Variants in BMPR1B observed in about 807,000 individuals in gnomAD.
BMPR1B encodes bone morphogenetic protein receptor type-1B.
Under a neutral mutation model 59.1 loss-of-function variants are expected in BMPR1B, and 12 were observed. The ratio of observed to expected loss-of-function variants is 0.20; its 90% CI spans 0.13 to 0.33. The LOEUF is 0.33. BMPR1B is among the 10% of genes least tolerant of loss of function. BMPR1B has a pLI of 1.00. For synonymous variants in BMPR1B, 237 were observed against 207.3 expected (o/e 1.14, Z -1.23); for missense variants, 550 against 610.9 (o/e 0.90, Z 1.05).
At chr4:95,018,781 A>C (rs1168196907) in intron 3 of BMPR1B, among the ~76,000 whole-genome samples, 1 of 152,182 alleles carries the variant, frequency 6.6e-6, no homozygotes, top group African/African-American at 2.4e-5. Flanking sequence ...AAACAAATCA[A>C]CCTAGTGTGG....
chr4:94,833,911 G>A (rs1724699090), intron 1 of BMPR1B, among the ~76,000 whole-genome samples: 1 of 152,110 alleles, frequency 6.6e-6, no homozygotes, highest in Admixed American at 6.5e-5. Context: ...CATGAGATTA[G>A]GCATTTTTTG....
Position 95,154,848 on chromosome 4 carries a change from C to G in BMPR1B, c.*175C>G, listed in dbSNP as rs995663969. On this transcript the variant is annotated 3_prime_UTR_variant, in exon 13 of 13. Coordinates refer to ENST00000515059, the MANE Select transcript of BMPR1B (RefSeq NM_001203.3). ...CGACCTGGGCAAAGACAGAGAAGCT[C>G]CCAGAAGGAGAGATTGATCCATGTC... 20 of 819,180 alleles carry G rather than the reference C, an allele frequency of 2.4e-5. No homozygotes were observed. The highest frequency in any genetic ancestry group is 5.2e-5 in the African/African-American group (3 of 58,188). The allele number at this position is 819,180 out of a possible 1,614,324, so 50.7% of individuals were successfully genotyped here. A position where few individuals can be genotyped will look rare whatever the true frequency, so the allele number is the denominator to read the frequency against.
chr4:94,953,079 A>G (rs921969378), intron 2 of BMPR1B, among the ~76,000 whole-genome samples: 3 of 150,698 alleles, frequency 2.0e-5, no homozygotes, highest in African/African-American at 4.9e-5. Context: ...CTAGGATTGC[A>G]ACCCCTGCTT....
At chr4:95,039,227 A>G (rs546547538) in intron 3 of BMPR1B, among the ~76,000 whole-genome samples, 1 of 152,052 alleles carries the variant, frequency 6.6e-6, no homozygotes, top group Non-Finnish European at 1.5e-5. Context: ...TACCTCCATA[A>G]CTTGAGTTTC....
chr4:94,940,339 A>G (rs903154918), intron 2 of BMPR1B, among the ~76,000 whole-genome samples: 2 of 152,076 alleles, frequency 1.3e-5, no homozygotes, highest in Non-Finnish European at 2.9e-5. Context: ...TAAGCTCACC[A>G]CAGCTGTTGT....
At chr4:94,837,762 C>G (rs558851127) in intron 1 of BMPR1B, among the ~76,000 whole-genome samples, 2,129 of 141,772 alleles carry the variant, frequency 0.015, 176 homozygotes, top group African/African-American at 0.053. Flanking sequence ...CCTTCTCCTG[C>G]CTAATTGCCC....
intron 1 of BMPR1B, among the ~76,000 whole-genome samples, chr4:94,780,065 G>A (rs922845268): frequency 2.0e-5 from 3 of 152,020 alleles, no homozygotes; most frequent in Non-Finnish European, 4.4e-5. Context: ...ATCATGACAT[G>A]TAATTAATAA....
chr4:95,130,033 A>T lies in BMPR1B; in HGVS notation c.757A>T (p.Met253Leu), dbSNP rs948475886. The T allele has an allele frequency of 6.2e-6, 10 of 1,613,864 alleles. No individual in the cohort carries two copies. The South Asian group carries it at 8.8e-5, about 14-fold the overall frequency. Residue 253 changes from methionine to leucine, a missense_variant, in exon 9 of 13, where the codon ATG (methionine) becomes TTG (leucine). Around this residue, in one of 6 missense-constraint regions of BMPR1B, gnomAD observed 318 missense variants for 284.6 expected, o/e 1.12. Coordinates refer to ENST00000515059, the MANE Select transcript of BMPR1B (RefSeq NM_001203.3). ...RETEIYQTVL[M>L]RHENILGFIA... ...GACAGAAATATATCAGACAGTGTTG[A>T]TGAGGCATGAAAACATTTTGGGTGA...
rs559914098 is a variant in BMPR1B at position 95,125,907 on chromosome 4, A to G, written c.585+786A>G. On this transcript the variant is annotated intron_variant, in intron 8 of 12. Coordinates refer to ENST00000515059, the MANE Select transcript of BMPR1B (RefSeq NM_001203.3). ...CACATAAACTCAACCTGCCTTCCTG[A>G]CGTCTCCTCCCACCTCTTCCCAGTA... is the stretch of plus-strand genomic sequence containing the variant. Among the ~76,000 whole-genome samples the G allele has an allele frequency of 3.2e-4, 49 of 152,140 alleles. No homozygotes were observed. In the South Asian group the frequency reaches 9.3e-3, roughly 29 times the overall value.
At chr4:94,936,540 T>C (rs910415686) in intron 2 of BMPR1B, among the ~76,000 whole-genome samples, 1 of 152,064 alleles carries the variant, frequency 6.6e-6, no homozygotes, top group Admixed American at 6.6e-5. Context: ...GGAGATGGAA[T>C]TTATTTATTT....
intron 10 of BMPR1B, among the ~76,000 whole-genome samples, chr4:95,136,056 A>T (rs1485505037): frequency 6.6e-6 from 1 of 152,092 alleles, no homozygotes. Context: ...TAGTTTTTTG[A>T]GAGTTTTTAG....
Position 94,938,940 on chromosome 4 carries a change from G to A in BMPR1B, c.-112-57100G>A, listed in dbSNP as rs532419172. Reference sequence around the variant, plus strand: ...GCAGGAGGATCACTTGAGCCCAGGAGTTCAAGGTTGCAGTGAGCTGTGATG... The same window carrying A: ...GCAGGAGGATCACTTGAGCCCAGGAATTCAAGGTTGCAGTGAGCTGTGATG... On this transcript the variant is annotated intron_variant, in intron 2 of 12. Transcript: ENST00000515059. 3.7e-4 allele frequency among the ~76,000 whole-genome samples: 56 copies of A among 152,250 alleles called. No individual in the cohort carries two copies. In the South Asian group the frequency reaches 0.011, roughly 31 times the overall value.
chr4:94,833,676 C>T lies in BMPR1B; in HGVS notation c.-182-42155C>T, dbSNP rs1027186115. ...TTCAATGCTGTTGTTGGCTGTGTTC[C>T]TTATAGAATTTTGAAAGGATGATAA... is the stretch of plus-strand genomic sequence containing the variant. On this transcript the variant is annotated intron_variant, in intron 1 of 12. Transcript: ENST00000515059. 3.3e-5 allele frequency among the ~76,000 whole-genome samples: 5 copies of T among 152,122 alleles called. No homozygotes were observed. In the East Asian group the frequency reaches 9.6e-4, roughly 29 times the overall value.
chr4:94,948,783 A>G (rs1729815224), intron 2 of BMPR1B, among the ~76,000 whole-genome samples: 1 of 152,144 alleles, frequency 6.6e-6, no homozygotes, highest in South Asian at 2.1e-4. Flanking sequence ...TTCATTTTAA[A>G]CTACAGAGAT....
chr4:94,974,838 T>G (rs907483413), intron 2 of BMPR1B, among the ~76,000 whole-genome samples: 1 of 151,858 alleles, frequency 6.6e-6, no homozygotes, highest in Non-Finnish European at 1.5e-5. Context: ...TTCCCACCAC[T>G]CTCCCAAACA....
chr4:94,833,206 A>G (rs1724671774), intron 1 of BMPR1B, among the ~76,000 whole-genome samples: 1 of 152,084 alleles, frequency 6.6e-6, no homozygotes, highest in South Asian at 2.1e-4. Flanking sequence ...AAAAAAAAAA[A>G]AAAAATGCAG....
At chr4:94,900,681 G>T (rs1318916988) in intron 2 of BMPR1B, among the ~76,000 whole-genome samples, 1 of 152,006 alleles carries the variant, frequency 6.6e-6, no homozygotes, top group Non-Finnish European at 1.5e-5. Context: ...TGTATTATTT[G>T]AATAGTCAGA....
intron 1 of BMPR1B, among the ~76,000 whole-genome samples, chr4:94,762,614 A>G (rs1578614998): frequency 1.3e-5 from 2 of 152,194 alleles, no homozygotes; most frequent in African/African-American, 4.8e-5. Context: ...TAAAATATGT[A>G]TTTTATTCAA....
chr4:95,051,823 T>C, intron 3 of BMPR1B: 1 of 1,507,600 alleles, frequency 6.6e-7, no homozygotes, highest in Non-Finnish European at 8.9e-7. Context: ...TGAGTTAGAG[T>C]CTGATTTCGT....
Sources: allele counts gnomAD v4.1 joint callset (sites outside exome capture counted in the v4.1 genomes callset), GRCh38; gene constraint gnomAD v4.1.1; regional missense constraint gnomAD v4.1.1; transcripts MANE v1.5; gene names NCBI Gene and HGNC (gene_info 2026-07-23, HGNC 2026-07-21).